The following LILRB1 variants were observed in gnomAD, a reference collection of about 807,000 sequenced individuals.
LILRB1 encodes the protein leukocyte immunoglobulin-like receptor subfamily B member 1.
LILRB1 carries 59 observed loss-of-function variants against 74.6 expected under a neutral mutation model. The ratio of observed to expected loss-of-function variants is 0.79; its 90% CI spans 0.64 to 0.98. The LOEUF is 0.98. Ranked by LOEUF, LILRB1 falls within the 50% of genes least tolerant of loss-of-function variation. LILRB1 has a pLI of 0.00. For synonymous variants in LILRB1, 328 were observed against 333.9 expected (o/e 0.98, Z 0.19); for missense variants, 804 against 822.6 (o/e 0.98, Z 0.28).
chr19:54,624,848 A>G (rs2912612), intron 1 of LILRB1, among the ~76,000 whole-genome samples: 2,972 of 151,514 alleles, frequency 0.02, 101 homozygotes, highest in African/African-American at 0.068. Context: ...CAGATCACAG[A>G]CCTGTGGGGA....
Position 54,631,489 on chromosome 19 carries a change from T to G in LILRB1, c.71-11T>G. The G allele has an allele frequency of 6.2e-7, 1 of 1,603,412 alleles. No individual in the cohort carries two copies. On this transcript the variant is annotated splice_polypyrimidine_tract_variant and intron_variant, in intron 3 of 14. Transcript: ENST00000324602. ...AAATGAGTTAGAATCTGACTCCTGA[T>G]TTCCTTCCAGGGCACCTCCCCAAGC...
chr19:54,621,565 C>G (rs2063458395), intron 1 of LILRB1, among the ~76,000 whole-genome samples: 1 of 150,316 alleles, frequency 6.7e-6, no homozygotes, highest in African/African-American at 2.5e-5. Flanking sequence ...AATTCTTTGA[C>G]TTCCTTGCAG....
chr19:54,635,426 G>C (rs2064309709), intron 12 of LILRB1, 130 bp downstream of exon 12: 1 of 1,512,214 alleles, frequency 6.6e-7, no homozygotes. Flanking sequence ...CCCACACTGT[G>C]GGGCCTCAGG....
chr19:54,630,362 G>A, upstream of LILRB1: 1 of 143,146 alleles, frequency 7.0e-6, no homozygotes, highest in Non-Finnish European at 1.4e-5. Flanking sequence ...TTCCCGGGGG[G>A]TGGGGTTGGA....
rs61737863 is a variant in LILRB1, at chr19:54,632,507, C to G, written c.705C>G (p.Ile235Met). ...CACTCTCAGTGCAGCCAGGTCCTAT[C>G]GTGGCCCCTGAGGAGACCCTGACTC... Reference protein sequence around the residue: ...KPSLSVQPGPIVAPEETLTLQ... With the variant: ...KPSLSVQPGPMVAPEETLTLQ... Residue 235 changes from isoleucine to methionine, a missense_variant, in exon 6 of 15, where the codon ATC becomes ATG. Ile to Met is a conservative substitution (Grantham distance 10, BLOSUM62 1). Transcript: ENST00000324602. The G allele has an allele frequency of 2.3e-3, 3,666 of 1,613,862 alleles. 83 individuals are homozygous for G. The African/African-American group carries it at 0.041, about 18-fold the overall frequency.
At chr19:54,626,599 G>C (rs759441558), upstream of LILRB1, among the ~76,000 whole-genome samples, 10 of 116,920 alleles carry the variant, frequency 8.6e-5, no homozygotes, top group Admixed American at 2.5e-4. Flanking sequence ...CATTTCAGCT[G>C]TGTCTTGTTC....
rs2064278027 is a variant in LILRB1, at chr19:54,635,117, T to C, written c.1500T>C (p.Ala500=). The change falls in exon 11 of 15, where the codon GCT becomes GCC. Residue 500 remains alanine (A), a synonymous_variant. Transcript: ENST00000324602. ...TTCTTCCCCCAGCCCAGAGAAAGGC[T>C]GATTTCCAACATCCTGCAGGGGCTG... ...GKHWTSTQRK[A]DFQHPAGAVG... 6.3e-7 allele frequency: 1 copy of C among 1,582,970 alleles called. No individual in the cohort carries two copies. The highest frequency in any genetic ancestry group is 2.3e-5 in the East Asian group (1 of 44,378).
Position 54,632,518 on chromosome 19 carries a change from A to C in LILRB1, c.716A>C (p.Glu239Ala). ...CAGCCAGGTCCTATCGTGGCCCCTGAGGAGACCCTGACTCTGCAGTGTGGC... is the reference window on the plus strand; with the variant it reads ...CAGCCAGGTCCTATCGTGGCCCCTGCGGAGACCCTGACTCTGCAGTGTGGC... ...SVQPGPIVAP[E>A]ETLTLQCGSD... The change falls in exon 6 of 15, where the codon GAG becomes GCG. Residue 239 changes from glutamate (E) to alanine (A), a missense_variant. Coordinates refer to ENST00000324602, the MANE Select transcript of LILRB1 (RefSeq NM_001081637.3). 6.2e-7 allele frequency: 1 copy of C among 1,613,810 alleles called. No homozygotes were observed. Among genetic ancestry groups the C allele is most frequent in the Non-Finnish European group, 8.5e-7 (1 of 1,179,854 alleles).
chr19:54,634,706 C>T lies in LILRB1; in HGVS notation c.1429C>T (p.Leu477Phe). ...GGCCGTCATCCTACTGCTCCTCCTCCTCCTCCTCCTCTTCCTCATCCTCCG... is the reference window on the plus strand; with the variant it reads ...GGCCGTCATCCTACTGCTCCTCCTCTTCCTCCTCCTCTTCCTCATCCTCCG... ...LVAVILLLLL[L>F]LLLFLILRHR... The change falls in exon 10 of 15, where the codon CTC becomes TTC. Residue 477 changes from leucine (L) to phenylalanine (F), a missense_variant. Leu to Phe is a conservative substitution (Grantham distance 22, BLOSUM62 0). Transcript: ENST00000324602. 1 of 1,614,012 alleles carries T rather than the reference C, an allele frequency of 6.2e-7. No individual in the cohort carries two copies. Among genetic ancestry groups the T allele is most frequent in the Non-Finnish European group, 8.5e-7 (1 of 1,179,960 alleles).
chr19:54,634,472 T>G, intron 9 of LILRB1, 169 bp from the exon 10 acceptor site: 1 of 1,512,392 alleles, frequency 6.6e-7, no homozygotes. Context: ...GCGATTCCCC[T>G]CTCTGAGCGT....
chr19:54,620,784 G>A (rs780684519), intron 1 of LILRB1, among the ~76,000 whole-genome samples: 8 of 152,202 alleles, frequency 5.3e-5, no homozygotes, highest in African/African-American at 9.7e-5. Flanking sequence ...TCAATCAACC[G>A]TTGGTGGACA....
upstream of LILRB1, among the ~76,000 whole-genome samples, chr19:54,628,928 G>T (rs2063673765): frequency 6.6e-6 from 1 of 152,150 alleles, no homozygotes; most frequent in African/African-American, 2.4e-5. Context: ...CTGTAACAAG[G>T]GCTATGGAGC....
At chr19:54,635,519 C>A (rs372561084) in intron 12 of LILRB1, 38 bp from the exon 13 acceptor site, 4 of 1,594,040 alleles carry the variant, frequency 2.5e-6, no homozygotes, top group East Asian at 2.2e-5. Flanking sequence ...TCCCAGGGAA[C>A]CTTCCCAAGA....
rs375583070 is a variant in LILRB1, at chr19:54,632,725, C to T, written c.923C>T (p.Ser308Leu). 3.5e-5 allele frequency: 56 copies of T among 1,612,292 alleles called. No individual in the cohort carries two copies. The highest frequency in any genetic ancestry group is 4.2e-5 in the Non-Finnish European group (49 of 1,179,966). The stretch of plus-strand genomic sequence containing the variant: ...GCACACAACCTCTCCTCCGAGTGGT[C>T]GGCCCCCAGCGACCCCCTGGACATC... ...YGAHNLSSEW[S>L]APSDPLDILI... The change falls in exon 6 of 15, where the codon TCG becomes TTG. Residue 308 changes from serine (S) to leucine (L), a missense_variant. Ser to Leu is a moderately radical substitution (Grantham distance 145). Transcript: ENST00000324602.
At chr19:54,636,701 G>T in intron 14 of LILRB1, 31 bp from the exon 15 acceptor site, 9 of 1,154,418 alleles carry the variant, frequency 7.8e-6, no homozygotes, top group Non-Finnish European at 1.0e-5. Flanking sequence ...CCCCCACCAC[G>T]TTCCTTCCCT....
chr19:54,624,478 C>T (rs537381682), intron 1 of LILRB1, among the ~76,000 whole-genome samples: 28 of 152,196 alleles, frequency 1.8e-4, no homozygotes, highest in Admixed American at 1.6e-3. Context: ...AGACCCTGAG[C>T]GGCTGTCTGT....
chr19:54,621,079 GC>G (rs1027738080), intron 1 of LILRB1, among the ~76,000 whole-genome samples: 6 of 152,050 alleles, frequency 3.9e-5, no homozygotes, highest in Admixed American at 3.9e-4. Context: ...TCACCATGTT[GC>G]CCAGGCTGGT....
chr19:54,631,773 A>G lies in LILRB1; in HGVS notation c.344A>G (p.Glu115Gly). 6.2e-7 allele frequency: 1 copy of G among 1,614,190 alleles called. No individual in the cohort carries two copies. The highest frequency in any genetic ancestry group is 8.5e-7 in the Non-Finnish European group (1 of 1,179,988). Residue 115 changes from glutamate (E) to glycine (G), a missense_variant, in exon 4 of 15, where the codon GAG (glutamate) becomes GGG (glycine). Glu to Gly is a moderately conservative substitution (Grantham distance 98, BLOSUM62 -2). Coordinates refer to ENST00000324602, the MANE Select transcript of LILRB1 (RefSeq NM_001081637.3). ...CGCTCAGAGAGCAGTGACCCCCTGG[A>G]GCTGGTGGTGACAGGTGAGCTGACA... ...AGRSESSDPL[E>G]LVVTGAYIKP...
chr19:54,633,913 GC>G (rs1489086160), intron 8 of LILRB1, 57 bp from the exon 9 acceptor site: 1 of 1,550,072 alleles, frequency 6.5e-7, no homozygotes. Context: ...GGGAGGAGCA[GC>G]CGGGCTGATG....
Sources: gnomAD v4.1 joint callset for allele counts (sites outside exome capture counted in the v4.1 genomes callset) on GRCh38, gnomAD v4.1.1 for gene constraint, MANE v1.5 for transcripts, NCBI Gene and HGNC (gene_info 2026-07-23, HGNC 2026-07-21) for gene names.